Variants in MSI2 observed in about 807,000 individuals in gnomAD.
MSI2 encodes musashi RNA binding protein 2.
In MSI2, 17 loss-of-function variants were observed where a neutral mutation model predicts 45.6. That is an observed-to-expected ratio of 0.37 (90% CI 0.26 to 0.56). MSI2 has a LOEUF of 0.56. Ranked by LOEUF, MSI2 falls within the 20% of genes least tolerant of loss-of-function variation. MSI2 has a pLI of 0.77. For missense variants in MSI2, 293 were observed against 444.2 expected (o/e 0.66, Z 3.06); for synonymous variants, 156 against 158.2 (o/e 0.99, Z 0.11).
rs75768990 is a variant in MSI2, at chr17:57,437,839, A to T, written c.405+36368A>T. Among the ~76,000 whole-genome samples the T allele has an allele frequency of 6.5e-3, 990 of 152,206 alleles. 8 individuals are homozygous for T. Among genetic ancestry groups the T allele is most frequent in the African/African-American group, 0.023 (945 of 41,442 alleles). On this transcript the variant is annotated intron_variant, in intron 6 of 13. Coordinates refer to ENST00000284073, the MANE Select transcript of MSI2 (RefSeq NM_138962.4). ...GTGCATCTTTTTTCTACTTAACTTA[A>T]TCAATAAATATGAAGTGCTTAATAC...
chr17:57,445,838 C>A (rs1317337540), intron 6 of MSI2, among the ~76,000 whole-genome samples: 1 of 152,114 alleles, frequency 6.6e-6, no homozygotes, highest in Non-Finnish European at 1.5e-5. Context: ...TCAGCAGAAC[C>A]AGGCCATTTT....
intron 5 of MSI2, among the ~76,000 whole-genome samples, chr17:57,370,046 A>G (rs930339157): frequency 2.0e-5 from 3 of 152,206 alleles, no homozygotes; most frequent in Non-Finnish European, 4.4e-5. Context: ...ACCTTAAAAC[A>G]CTGTCGCTGG....
intron 6 of MSI2, among the ~76,000 whole-genome samples, chr17:57,499,508 A>G (rs1296016318): frequency 6.6e-6 from 1 of 152,180 alleles, no homozygotes; most frequent in Non-Finnish European, 1.5e-5. Context: ...AAAAGTTTCT[A>G]TAGCATTTGG....
intron 6 of MSI2, among the ~76,000 whole-genome samples, chr17:57,437,759 A>G (rs963220486): frequency 1.2e-4 from 19 of 152,204 alleles, no homozygotes; most frequent in Admixed American, 4.6e-4. Context: ...AACAATTCCC[A>G]AAGAGGCCTA....
intron 6 of MSI2, among the ~76,000 whole-genome samples, chr17:57,470,451 T>C (rs1479525950): frequency 6.6e-6 from 1 of 152,080 alleles, no homozygotes; most frequent in Non-Finnish European, 1.5e-5. Flanking sequence ...CTAATTTTTG[T>C]ATTTTTAGTA....
In MSI2 at chr17:57,680,033, A is replaced by G. The variant is rs1471488221; in HGVS notation, c.*516A>G. 3 of 228,390 alleles carry G rather than the reference A, an allele frequency of 1.3e-5. No individual in the cohort carries two copies. The highest frequency in any genetic ancestry group is 2.6e-5 in the Non-Finnish European group (3 of 115,116). The allele number at this position is 228,390 out of a possible 1,614,324, so 14.1% of individuals were successfully genotyped here. The stretch of plus-strand genomic sequence containing the variant: ...ATATGACTCTCCATATTTTGGTACC[A>G]ATTCTGAGACTGTATGAATTTTCAG... On this transcript the variant is annotated 3_prime_UTR_variant, in exon 14 of 14. Coordinates refer to ENST00000284073, the MANE Select transcript of MSI2 (RefSeq NM_138962.4).
chr17:57,383,062 G>A (rs1333701385), intron 5 of MSI2, among the ~76,000 whole-genome samples: 3 of 152,222 alleles, frequency 2.0e-5, no homozygotes, highest in Admixed American at 2.0e-4. Context: ...GAGGCTTGTA[G>A]AACAGGGTCT....
At chr17:57,463,571 C>T (rs2143636543) in intron 6 of MSI2, among the ~76,000 whole-genome samples, 1 of 152,270 alleles carries the variant, frequency 6.6e-6, no homozygotes, top group East Asian at 1.9e-4. Context: ...TCTGCCTCCC[C>T]ATGAGCACTG....
At position 57,401,490 on chromosome 17, in the gene MSI2, T is replaced by G. The variant is rs1413695468; in HGVS notation, c.405+19T>G. 24 of 1,600,982 alleles carry G rather than the reference T, an allele frequency of 1.5e-5. No individual in the cohort carries two copies. The highest frequency in any genetic ancestry group is 2.0e-5 in the Non-Finnish European group (23 of 1,167,914). On this transcript the variant is annotated intron_variant, in intron 6 of 13. Coordinates refer to ENST00000284073, the MANE Select transcript of MSI2 (RefSeq NM_138962.4). ...TGGCAAGGTAAGCGCTGGATGGGGT[T>G]GGATGGCACATGCCAGAAGTAGCCT...
At chr17:57,341,118 G>T (rs201356263) in intron 5 of MSI2, among the ~76,000 whole-genome samples, 1 of 152,156 alleles carries the variant, frequency 6.6e-6, no homozygotes, top group African/African-American at 2.4e-5. Context: ...GATGATATGA[G>T]AGTAGAGAGG....
chr17:57,556,839 A>T (rs1484712935), intron 7 of MSI2, among the ~76,000 whole-genome samples: 2 of 152,222 alleles, frequency 1.3e-5, no homozygotes, highest in African/African-American at 4.8e-5. Flanking sequence ...CAGTACTAAT[A>T]AAAGAAAGGA....
intron 6 of MSI2, among the ~76,000 whole-genome samples, chr17:57,414,200 T>G (rs771462751): frequency 6.6e-6 from 1 of 152,074 alleles, no homozygotes; most frequent in Non-Finnish European, 1.5e-5. Context: ...TGTAGTCTCT[T>G]TGCCTTGACC....
intron 5 of MSI2, among the ~76,000 whole-genome samples, chr17:57,336,093 CG>C (rs1914672083): frequency 6.6e-6 from 1 of 152,134 alleles, no homozygotes; most frequent in South Asian, 2.1e-4. Context: ...GCAGAGGGCA[CG>C]GGTAACGGTG....
chr17:57,294,675 A>G (rs560902789), intron 5 of MSI2: 1 of 152,262 alleles, frequency 6.6e-6, no homozygotes, highest in East Asian at 1.9e-4. Context: ...GACCCATCCT[A>G]CAACAGCCAC....
chr17:57,437,333 C>T (rs1235190141), intron 6 of MSI2, among the ~76,000 whole-genome samples: 1 of 152,196 alleles, frequency 6.6e-6, no homozygotes, highest in African/African-American at 2.4e-5. Context: ...CTTTTGCTCC[C>T]AGATCATCAG....
chr17:57,358,406 A>G (rs1398526074), intron 5 of MSI2, among the ~76,000 whole-genome samples: 1 of 152,184 alleles, frequency 6.6e-6, no homozygotes, highest in Non-Finnish European at 1.5e-5. Flanking sequence ...GGCTGCGTCC[A>G]TTTGAAGGAA....
intron 6 of MSI2, among the ~76,000 whole-genome samples, chr17:57,486,455 G>A (rs2085756779): frequency 6.6e-6 from 1 of 152,184 alleles, no homozygotes; most frequent in Admixed American, 6.5e-5. Context: ...AAAATAGTTT[G>A]GGTCATTGGA....
chr17:57,417,765 A>G (rs1567811937), intron 6 of MSI2, among the ~76,000 whole-genome samples: 1 of 152,228 alleles, frequency 6.6e-6, no homozygotes, highest in Non-Finnish European at 1.5e-5. Context: ...ATGATGGATC[A>G]GGTGCACCTG....
intron 7 of MSI2, among the ~76,000 whole-genome samples, chr17:57,565,667 A>T (rs2087713700): frequency 8.8e-6 from 1 of 113,620 alleles, no homozygotes; most frequent in Non-Finnish European, 1.8e-5. Flanking sequence ...TACCCCCTCG[A>T]CTAACACCCA....
Sources: allele counts gnomAD v4.1 joint callset (sites outside exome capture counted in the v4.1 genomes callset), GRCh38; gene constraint gnomAD v4.1.1; transcripts MANE v1.5; gene names NCBI Gene and HGNC (gene_info 2026-07-23, HGNC 2026-07-21).